GRID1: variants seen among roughly 807,000 people sequenced by gnomAD.
GRID1 encodes glutamate receptor ionotropic, delta-1.
GRID1 carries 28 observed loss-of-function variants against 98.0 expected under a neutral mutation model. That is an observed-to-expected ratio of 0.29 (90% CI 0.21 to 0.39). The LOEUF (loss-of-function observed/expected upper bound fraction) is 0.39. Among genes scored for constraint, GRID1 ranks in the 10% least tolerant of loss-of-function variants. GRID1 has a pLI of 1.00. For synonymous variants in GRID1, 553 were observed against 538.5 expected (o/e 1.03, Z -0.37); for missense variants, 1,111 against 1,340.5 (o/e 0.83, Z 2.67).
intron 8 of GRID1, among the ~76,000 whole-genome samples, chr10:85,775,041 GCACTATT>G (rs1842315595): frequency 6.6e-6 from 1 of 152,098 alleles, no homozygotes; most frequent in South Asian, 2.1e-4. Flanking sequence ...GTTTATTGAG[GCACTATT>G]CACAATAGCA....
intron 12 of GRID1, among the ~76,000 whole-genome samples, chr10:85,702,081 G>A (rs1841457800): frequency 6.6e-6 from 1 of 152,018 alleles, no homozygotes; most frequent in African/African-American, 2.4e-5. Flanking sequence ...TTGTGTTAAA[G>A]ATACTAAAGA....
At position 85,854,109 on chromosome 10, in the gene GRID1, C is replaced by T. The variant is rs1843085976; in HGVS notation, c.1233+387G>A. On this transcript the variant is annotated intron_variant, in intron 8 of 15. Coordinates refer to ENST00000327946, the MANE Select transcript of GRID1 (RefSeq NM_017551.3). ...CTCACTCCTGGATCTGGAGGACACT[C>T]AGGCTGTAACCTCTGCCTCCTGCCT... Among the ~76,000 whole-genome samples the T allele has an allele frequency of 7.9e-5, 12 of 152,310 alleles. No homozygotes were observed. The South Asian group carries it at 2.5e-3, about 32-fold the overall frequency.
At chr10:86,347,314 C>T (rs567658637) in intron 2 of GRID1, among the ~76,000 whole-genome samples, 32 of 152,322 alleles carry the variant, frequency 2.1e-4, no homozygotes, top group African/African-American at 7.0e-4. Context: ...GCTGCAGTCT[C>T]GGCATCCTTT....
intron 3 of GRID1, among the ~76,000 whole-genome samples, chr10:86,144,198 GC>G (rs1845051731): frequency 6.6e-6 from 1 of 152,144 alleles, no homozygotes; most frequent in Admixed American, 6.5e-5. Context: ...AGTGAGAAGA[GC>G]CCCAAAGAAA....
chr10:85,681,337 C>T (rs144471355), intron 12 of GRID1, among the ~76,000 whole-genome samples: 115 of 152,218 alleles, frequency 7.6e-4, no homozygotes, highest in African/African-American at 2.6e-3. Context: ...AATGTATTAT[C>T]TATTTTTTTC....
chr10:86,005,277 C>T (rs970594039), intron 4 of GRID1, among the ~76,000 whole-genome samples: 1 of 152,042 alleles, frequency 6.6e-6, no homozygotes, highest in Non-Finnish European at 1.5e-5. Context: ...TGTGATACCC[C>T]CTCCCCCAGG....
At chr10:86,046,923 G>A (rs935939667) in intron 4 of GRID1, among the ~76,000 whole-genome samples, 1 of 150,628 alleles carries the variant, frequency 6.6e-6, no homozygotes, top group African/African-American at 2.4e-5. Context: ...AAGCAGTCAA[G>A]TGGGGATACC....
chr10:86,341,578 C>T (rs1589455180), intron 2 of GRID1, among the ~76,000 whole-genome samples: 1 of 152,318 alleles, frequency 6.6e-6, no homozygotes, highest in East Asian at 1.9e-4. Flanking sequence ...CAGAGCTAGG[C>T]CCTCCTCACC....
At chr10:85,678,551 C>T (rs1374388442) in intron 12 of GRID1, among the ~76,000 whole-genome samples, 1 of 152,130 alleles carries the variant, frequency 6.6e-6, no homozygotes, top group Non-Finnish European at 1.5e-5. Flanking sequence ...GTCCCATCCC[C>T]TCATGTGGTC....
At chr10:86,147,749 ACTT>A (rs1845108657) in intron 3 of GRID1, among the ~76,000 whole-genome samples, 1 of 152,168 alleles carries the variant, frequency 6.6e-6, no homozygotes, top group East Asian at 1.9e-4. Flanking sequence ...TTAGTAAACA[ACTT>A]GCTCCAGAGC....
At chr10:86,053,644 A>G (rs1255989212) in intron 4 of GRID1, among the ~76,000 whole-genome samples, 1 of 152,106 alleles carries the variant, frequency 6.6e-6, no homozygotes, top group Non-Finnish European at 1.5e-5. Flanking sequence ...ATGAGCCACC[A>G]TGCCTGGCCT....
At chr10:86,010,934 C>T (rs530375833) in intron 4 of GRID1, among the ~76,000 whole-genome samples, 2 of 151,984 alleles carry the variant, frequency 1.3e-5, no homozygotes, top group African/African-American at 4.8e-5. Context: ...ATCATGAAGG[C>T]TATCAAGATT....
intron 2 of GRID1, among the ~76,000 whole-genome samples, chr10:86,342,282 G>A (rs545584876): frequency 1.2e-4 from 19 of 152,180 alleles, no homozygotes; most frequent in Non-Finnish European, 2.2e-4. Context: ...ACCAGAGAGG[G>A]CTGTAGCTCA....
intron 8 of GRID1, among the ~76,000 whole-genome samples, chr10:85,787,897 G>A (rs1436736457): frequency 2.0e-5 from 3 of 152,036 alleles, no homozygotes; most frequent in Non-Finnish European, 4.4e-5. Context: ...GACTGAGAAG[G>A]TCCCCAGTGG....
chr10:86,291,512 G>A (rs752844148), intron 2 of GRID1, among the ~76,000 whole-genome samples: 53 of 152,116 alleles, frequency 3.5e-4, no homozygotes, highest in Non-Finnish European at 5.4e-4. Context: ...TCAGCCCAGG[G>A]GCACAGCACA....
intron 2 of GRID1, among the ~76,000 whole-genome samples, chr10:86,302,277 G>A (rs991307725): frequency 6.6e-6 from 1 of 152,246 alleles, no homozygotes; most frequent in African/African-American, 2.4e-5. Flanking sequence ...TCTGCAGCAA[G>A]AGGCAGTAGT....
intron 4 of GRID1, among the ~76,000 whole-genome samples, chr10:86,040,128 C>T (rs1843325551): frequency 6.6e-6 from 1 of 152,104 alleles, no homozygotes; most frequent in Non-Finnish European, 1.5e-5. Flanking sequence ...AATGGGAATC[C>T]TTATACACTG....
At chr10:85,821,064 A>G (rs989201723) in intron 8 of GRID1, among the ~76,000 whole-genome samples, 10 of 152,186 alleles carry the variant, frequency 6.6e-5, no homozygotes, top group African/African-American at 2.4e-4. Context: ...TTTCCCATAT[A>G]ATGAAATTAC....
At chr10:85,681,321 T>C (rs1243800901) in intron 12 of GRID1, among the ~76,000 whole-genome samples, 4 of 152,150 alleles carry the variant, frequency 2.6e-5, no homozygotes, top group Non-Finnish European at 5.9e-5. Context: ...TGCACCAACA[T>C]TTTAAAATGT....
Sources: allele counts gnomAD v4.1 joint callset (sites outside exome capture counted in the v4.1 genomes callset), GRCh38; gene constraint gnomAD v4.1.1; transcripts MANE v1.5; gene names NCBI Gene and HGNC (gene_info 2026-07-23, HGNC 2026-07-21).